Variants in DOCK8 observed in about 807,000 individuals in gnomAD.
The protein encoded by DOCK8 is dedicator of cytokinesis protein 8.
Under a neutral mutation model 245.6 loss-of-function variants are expected in DOCK8, and 141 were observed. The observed-to-expected ratio is 0.57, with a 90% CI of 0.50 to 0.66. The LOEUF (loss-of-function observed/expected upper bound fraction) is 0.66. Ranked by LOEUF, DOCK8 falls within the 30% of genes least tolerant of loss-of-function variation. DOCK8 has a pLI of 0.00. For synonymous variants in DOCK8, 1,168 were observed against 970.2 expected (o/e 1.20, Z -3.79); for missense variants, 2,965 against 2,603.4 (o/e 1.14, Z -3.02).
intron 14 of DOCK8, among the ~76,000 whole-genome samples, chr9:346,931 C>T (rs2051917565): frequency 6.6e-6 from 1 of 152,054 alleles, no homozygotes; most frequent in South Asian, 2.1e-4. Context: ...GGGGAGTATC[C>T]TTGAAAGGGA....
At chr9:280,479 G>A (rs186461384) in intron 2 of DOCK8, among the ~76,000 whole-genome samples, 2 of 152,258 alleles carry the variant, frequency 1.3e-5, no homozygotes, top group African/African-American at 2.4e-5. Context: ...GTGGCTAAGC[G>A]AGCTTAAAAG....
chr9:289,278 A>G (rs946289804), intron 3 of DOCK8, among the ~76,000 whole-genome samples: 1 of 152,228 alleles, frequency 6.6e-6, no homozygotes, highest in South Asian at 2.1e-4. Flanking sequence ...ATGATTCTGT[A>G]TAATAAAGAA....
At chr9:276,665 A>C (rs1028479966) in intron 2 of DOCK8, among the ~76,000 whole-genome samples, 1 of 151,806 alleles carries the variant, frequency 6.6e-6, no homozygotes, top group Admixed American at 6.6e-5. Context: ...AGACTCACTT[A>C]TTGGCTTTGG....
In DOCK8 at chr9:390,483, G is replaced by T; in HGVS notation, c.2887G>T (p.Glu963Ter). 6.2e-7 allele frequency: 1 copy of T among 1,614,200 alleles called. No individual in the cohort carries two copies. Among genetic ancestry groups the T allele is most frequent in the Non-Finnish European group, 8.5e-7 (1 of 1,180,010 alleles). The change falls in exon 24 of 48, where the codon GAG (glutamate) becomes TAG (stop). Residue 963 changes from glutamate to a stop codon, truncating the protein, a stop_gained. Transcript: ENST00000432829. LOFTEE classifies it high-confidence loss of function. ...RPASKKHFHEELALQMVVSTG... is the reference protein window; with the variant it reads ...RPASKKHFHE ...GGTTCTTATTTAGCATTTCCATGAG[G>T]AGCTTGCCCTTCAGATGGTGGTCAG...
intron 1 of DOCK8, among the ~76,000 whole-genome samples, chr9:228,206 A>G (rs1292099031): frequency 2.6e-5 from 4 of 152,180 alleles, no homozygotes; most frequent in South Asian, 4.1e-4. Flanking sequence ...ATGACATACA[A>G]TGCTGAACAA....
At chr9:330,344 A>G (rs114199000) in intron 9 of DOCK8, among the ~76,000 whole-genome samples, 3,157 of 152,294 alleles carry the variant, frequency 0.021, 88 homozygotes, top group African/African-American at 0.07. Context: ...GCCTATCCTT[A>G]TGTAAGGGCC....
At chr9:361,133 C>T (rs972021389) in intron 14 of DOCK8, among the ~76,000 whole-genome samples, 2 of 152,144 alleles carry the variant, frequency 1.3e-5, no homozygotes, top group Non-Finnish European at 2.9e-5. Context: ...CGCCACAGCA[C>T]TCCAGCCCAA....
intron 1 of DOCK8, among the ~76,000 whole-genome samples, chr9:224,635 C>T (rs998605978): frequency 1.3e-5 from 2 of 152,124 alleles, no homozygotes; most frequent in African/African-American, 4.8e-5. Context: ...TTTGGCAGAC[C>T]TTTTTGAGTT....
At chr9:339,750 G>T (rs1434985716) in intron 13 of DOCK8, among the ~76,000 whole-genome samples, 1 of 152,148 alleles carries the variant, frequency 6.6e-6, no homozygotes, top group Non-Finnish European at 1.5e-5. Context: ...TCTTGACCTC[G>T]TGATCCACCT....
At chr9:388,894 C>T (rs560732680) in intron 23 of DOCK8, among the ~76,000 whole-genome samples, 13 of 152,028 alleles carry the variant, frequency 8.6e-5, no homozygotes, top group Non-Finnish European at 7.4e-5. Flanking sequence ...GCAATGTTTG[C>T]TGTAATCAGT....
intron 28 of DOCK8, among the ~76,000 whole-genome samples, chr9:409,259 C>T (rs1158775458): frequency 1.3e-5 from 2 of 152,166 alleles, no homozygotes; most frequent in Admixed American, 6.5e-5. Flanking sequence ...TCTCTGACAC[C>T]TGGGTATATC....
At chr9:413,292 A>G (rs57326783) in intron 28 of DOCK8, among the ~76,000 whole-genome samples, 20,313 of 152,190 alleles carry the variant, frequency 0.13, 1,430 homozygotes, top group Admixed American at 0.17. Flanking sequence ...AAGAGCTAAA[A>G]CTATAAAATT....
chr9:329,814 T>A (rs2050926633), intron 9 of DOCK8, among the ~76,000 whole-genome samples: 1 of 152,358 alleles, frequency 6.6e-6, no homozygotes, highest in Admixed American at 6.5e-5. Flanking sequence ...TTCCTATCAC[T>A]TACTAAATAT....
chr9:447,588 T>C (rs905663811), intron 44 of DOCK8, among the ~76,000 whole-genome samples: 9 of 152,198 alleles, frequency 5.9e-5, no homozygotes, highest in Non-Finnish European at 8.8e-5. Flanking sequence ...TTTCATAATA[T>C]CTTGTCCAAC....
intron 15 of DOCK8, 69 bp from the exon 16 acceptor site, chr9:370,161 C>G: frequency 1.5e-6 from 2 of 1,315,414 alleles, no homozygotes; most frequent in South Asian, 2.4e-5. Context: ...ATCCTGTTGG[C>G]CTGATGATAG....
At chr9:452,725 A>G (rs1360394406) in intron 46 of DOCK8, 1 of 152,342 alleles carries the variant, frequency 6.6e-6, no homozygotes, top group African/African-American at 2.4e-5. Flanking sequence ...GAGAGAGGCA[A>G]GTTCTAAAAC....
At chr9:370,000 G>C (rs529824071) in intron 15 of DOCK8, 1 of 562,760 alleles carries the variant, frequency 1.8e-6, no homozygotes, top group Non-Finnish European at 3.2e-6. Context: ...ATGAGGTTTC[G>C]CCATGTTGCC....
intron 26 of DOCK8, among the ~76,000 whole-genome samples, chr9:399,861 T>G (rs1026840549): frequency 6.6e-6 from 1 of 151,932 alleles, no homozygotes; most frequent in African/African-American, 2.4e-5. Flanking sequence ...TTATTGTTGC[T>G]GCTCCTCTCC....
At chr9:301,089 C>T (rs1223556880) in intron 4 of DOCK8, among the ~76,000 whole-genome samples, 3 of 152,162 alleles carry the variant, frequency 2.0e-5, no homozygotes, top group Admixed American at 6.5e-5. Context: ...CACAAAAATC[C>T]TCAACAAAAT....
Sources: allele counts gnomAD v4.1 joint callset (sites outside exome capture counted in the v4.1 genomes callset), GRCh38; gene constraint gnomAD v4.1.1; transcripts MANE v1.5; gene names NCBI Gene and HGNC (gene_info 2026-07-23, HGNC 2026-07-21).